NTPCR: variants seen among roughly 807,000 people sequenced by gnomAD.
The protein encoded by NTPCR is cancer-related nucleoside-triphosphatase.
NTPCR carries 15 observed loss-of-function variants against 19.5 expected under a neutral mutation model. The ratio of observed to expected loss-of-function variants is 0.77; its 90% confidence interval spans 0.51 to 1.18. NTPCR has a LOEUF of 1.18. Among genes scored for constraint, NTPCR ranks in the 50% most tolerant of loss-of-function variants. NTPCR has a pLI of 0.00. For synonymous variants in NTPCR, 90 were observed against 95.8 expected, an observed-to-expected ratio of 0.94 and a Z score of 0.36; for missense variants, 206 against 240.4, an observed-to-expected ratio of 0.86 and a Z score of 0.95.
intron 3 of NTPCR, chr1:232,968,456 G>A (rs1192811864): frequency 6.6e-6 from 1 of 152,226 alleles, no homozygotes; most frequent in African/African-American, 2.4e-5. Context: ...TCCAAAAGGA[G>A]TCTAACATTT....
At chr1:232,956,567 G>T in intron 3 of NTPCR, 124 bp downstream of exon 3, 2 of 669,068 alleles carry the variant, frequency 3.0e-6, no homozygotes, top group Non-Finnish European at 5.5e-6. Context: ...CAATTGAAAA[G>T]ATTGAGTCTT....
chr1:232,968,430 A>G (rs778122453), intron 3 of NTPCR: 8 of 152,220 alleles, frequency 5.3e-5, no homozygotes, highest in East Asian at 1.9e-4. Context: ...GACACCCACT[A>G]TCTTATCTTG....
intron 1 of NTPCR, among the ~76,000 whole-genome samples, chr1:232,954,003 C>T (rs1668446214): frequency 1.3e-5 from 2 of 152,152 alleles, no homozygotes; most frequent in African/African-American, 2.4e-5. Flanking sequence ...CTCTTTCACA[C>T]ATTTGTATTG....
intron 4 of NTPCR, among the ~76,000 whole-genome samples, chr1:232,972,228 G>T (rs1451167589): frequency 6.6e-6 from 1 of 152,148 alleles, no homozygotes; most frequent in East Asian, 1.9e-4. Flanking sequence ...GATAGGGGCT[G>T]ACATACCCTG....
At chr1:232,953,183 A>C (rs192789764) in intron 1 of NTPCR, among the ~76,000 whole-genome samples, 23 of 152,246 alleles carry the variant, frequency 1.5e-4, no homozygotes, top group Non-Finnish European at 2.8e-4. Flanking sequence ...CTTCCCTGCC[A>C]GTCCATCATG....
At position 232,956,347 on chromosome 1, in the gene NTPCR, G is replaced by C; in HGVS notation, c.198G>C (p.Gly66=). 6.2e-7 allele frequency: 1 copy of C among 1,612,284 alleles called. No homozygotes were observed. The highest frequency in any genetic ancestry group is 8.5e-7 in the Non-Finnish European group (1 of 1,178,412). The part of the protein sequence containing the change: ...SGTRGPLSRV[G]LEPPPGKREC... ...AAGAACATAATGTCTTTTCCTTCAG[G>C]TTAGAGCCTCCACCTGGAAAACGTG... Residue 66 remains glycine (G), a splice_region_variant and synonymous_variant, in exon 3 of 5, where the codon GGG becomes GGC. Transcript: ENST00000366628.
intron 4 of NTPCR, among the ~76,000 whole-genome samples, chr1:232,977,731 G>A (rs1044644030): frequency 6.6e-6 from 1 of 152,100 alleles, no homozygotes; most frequent in African/African-American, 2.4e-5. Flanking sequence ...AATCCTGGGC[G>A]CTTCACTGCT....
Position 232,978,307 on chromosome 1 carries a change from C to G in NTPCR, c.*76C>G, listed in dbSNP as rs963463079. The G allele has an allele frequency of 8.0e-7, 1 of 1,243,016 alleles. No individual in the cohort carries two copies. Among genetic ancestry groups the G allele is most frequent in the East Asian group, 2.3e-5 (1 of 42,744 alleles). 77.0% of individuals were successfully genotyped at this position (1,243,016 alleles called of 1,614,324 possible). A position where few individuals can be genotyped will look rare whatever the true frequency, so the allele number is the denominator to read the frequency against. ...CCTGATGGAGCCCTGCCTGTCGAGG[C>G]TGTATGCCTATGGGGTTATGGAACC... On this transcript the variant is annotated 3_prime_UTR_variant, in exon 5 of 5. Transcript: ENST00000366628.
chr1:232,974,164 C>T (rs192463014), intron 4 of NTPCR, among the ~76,000 whole-genome samples: 132 of 152,274 alleles, frequency 8.7e-4, no homozygotes, highest in South Asian at 6.0e-3. Flanking sequence ...CAGCACCTTA[C>T]CTATAGGGTA....
At chr1:232,968,221 C>T (rs557223596) in intron 3 of NTPCR, 2 of 152,166 alleles carry the variant, frequency 1.3e-5, no homozygotes, top group Non-Finnish European at 2.9e-5. Context: ...TGAAGCATGT[C>T]AGAAACACAG....
rs2102768283 is a variant in NTPCR at position 232,983,586 on chromosome 1, T to G, written c.*5355T>G. 6.6e-6 allele frequency: 1 copy of G among 152,304 alleles called. No individual in the cohort carries two copies. 9.4% of individuals were successfully genotyped at this position (152,304 alleles called of 1,614,324 possible). A position where few individuals can be genotyped will look rare whatever the true frequency, so the allele number is the denominator to read the frequency against. Reference sequence around the variant, plus strand: ...TCGCCTGGACTACAGTGAGGAGCATTGTGTGACTCCGCGGTGGATTTCCAT... The same window carrying G: ...TCGCCTGGACTACAGTGAGGAGCATGGTGTGACTCCGCGGTGGATTTCCAT... On this transcript the variant is annotated 3_prime_UTR_variant, in exon 5 of 5. Transcript: ENST00000366628.
intron 3 of NTPCR, among the ~76,000 whole-genome samples, chr1:232,961,346 T>G (rs1197066982): frequency 6.6e-6 from 1 of 152,242 alleles, no homozygotes; most frequent in Non-Finnish European, 1.5e-5. Context: ...GGTGCTGCGT[T>G]GACTTTGTGT....
At chr1:232,968,650 A>G (rs1668888861) in intron 3 of NTPCR, 1 of 152,242 alleles carries the variant, frequency 6.6e-6, no homozygotes, top group African/African-American at 2.4e-5. Flanking sequence ...ACCACCAGCC[A>G]CACTGTACCA....
intron 3 of NTPCR, chr1:232,965,525 G>A (rs542707845): frequency 6.6e-6 from 1 of 152,272 alleles, no homozygotes; most frequent in Non-Finnish European, 1.5e-5. Context: ...CAATAGCAGT[G>A]ATTATTTTCT....
chr1:232,981,557 G>C lies in NTPCR; in HGVS notation c.*3326G>C, dbSNP rs1213932761. The C allele has an allele frequency of 6.6e-6, 1 of 152,054 alleles. No individual in the cohort carries two copies. The highest frequency in any genetic ancestry group is 1.5e-5 in the Non-Finnish European group (1 of 68,020). 9.4% of individuals were successfully genotyped at this position (152,054 alleles called of 1,614,324 possible). On this transcript the variant is annotated 3_prime_UTR_variant, in exon 5 of 5. Transcript: ENST00000366628. ...TTGTGGGCAAAGAAGTTGAAGCATCGCATGATTTTAACAAATTACTTGCCA... is the reference window on the plus strand; with the variant it reads ...TTGTGGGCAAAGAAGTTGAAGCATCCCATGATTTTAACAAATTACTTGCCA...
At chr1:232,963,409 C>T (rs928888160) in intron 3 of NTPCR, 1 of 152,182 alleles carries the variant, frequency 6.6e-6, no homozygotes, top group African/African-American at 2.4e-5. Flanking sequence ...ATGACACCTT[C>T]ATGTCTTTCT....
Position 232,983,569 on chromosome 1 carries a change from A to G in NTPCR, c.*5338A>G, listed in dbSNP as rs1439344656. On this transcript the variant is annotated 3_prime_UTR_variant, in exon 5 of 5. Transcript: ENST00000366628. The stretch of plus-strand genomic sequence containing the variant: ...TGCTGGCGGCCCACCAATCGCCTGG[A>G]CTACAGTGAGGAGCATTGTGTGACT... The G allele has an allele frequency of 2.0e-5, 3 of 152,192 alleles. No homozygotes were observed. Among genetic ancestry groups the G allele is most frequent in the African/African-American group, 4.8e-5 (2 of 41,448 alleles). The allele number at this position is 152,192 out of a possible 1,614,324, so 9.4% of individuals were successfully genotyped here. A position where few individuals can be genotyped will look rare whatever the true frequency, so the allele number is the denominator to read the frequency against.
At chr1:232,968,368 A>T (rs1279544780) in intron 3 of NTPCR, 1 of 152,242 alleles carries the variant, frequency 6.6e-6, no homozygotes, top group Non-Finnish European at 1.5e-5. Context: ...GTTTACTTAA[A>T]AGTCTGAAAA....
chr1:232,968,980 A>G (rs1216164678), intron 3 of NTPCR: 1 of 152,214 alleles, frequency 6.6e-6, no homozygotes, highest in African/African-American at 2.4e-5. Context: ...CTATGGAACA[A>G]GTTATCTCAA....
Sources: allele counts gnomAD v4.1 joint callset (sites outside exome capture counted in the v4.1 genomes callset), GRCh38; gene constraint gnomAD v4.1.1; transcripts MANE v1.5; gene names NCBI Gene and HGNC (gene_info 2026-07-23, HGNC 2026-07-21).